Variants in EFNA5 observed in about 807,000 individuals in gnomAD.
EFNA5 encodes the protein ephrin A5.
A neutral mutation model predicts 22.9 loss-of-function variants in EFNA5; 5 were observed. The ratio of observed to expected loss-of-function variants is 0.22; its 90% CI spans 0.11 to 0.46. EFNA5 has a LOEUF of 0.46. EFNA5 is among the 20% of genes least tolerant of loss of function. EFNA5 has a pLI of 0.99. For synonymous variants in EFNA5, 113 were observed against 112.2 expected (o/e 1.01, Z -0.04); for missense variants, 237 against 293.3 (o/e 0.81, Z 1.40).
Position 107,380,433 on chromosome 5 carries a change from G to T in EFNA5, c.*822C>A. The T allele has an allele frequency of 9.5e-6, 1 of 105,438 alleles. No homozygotes were observed. Among genetic ancestry groups the T allele is most frequent in the Non-Finnish European group, 1.8e-5 (1 of 54,770 alleles). The allele number at this position is 105,438 out of a possible 1,614,324, so 6.5% of individuals were successfully genotyped here. ...AAAAGTTGTAGCACCATGGTGATCT[G>T]TATTCAAAGAAAAAATATCTGGTGT... On this transcript the variant is annotated 3_prime_UTR_variant, in exon 5 of 5. Transcript: ENST00000333274.
chr5:107,545,745 G>A (rs1242522073), intron 1 of EFNA5, among the ~76,000 whole-genome samples: 1 of 152,178 alleles, frequency 6.6e-6, no homozygotes, highest in Non-Finnish European at 1.5e-5. Context: ...TTGGCAAGAA[G>A]GGCCTCTGAT....
chr5:107,657,734 T>TA (rs1223978845), intron 1 of EFNA5, among the ~76,000 whole-genome samples: 2 of 152,146 alleles, frequency 1.3e-5, no homozygotes, highest in Non-Finnish European at 2.9e-5. Context: ...TTATCTCTTT[T>TA]AAAAATAATC....
chr5:107,654,258 C>T (rs988509881), intron 1 of EFNA5, among the ~76,000 whole-genome samples: 107 of 152,178 alleles, frequency 7.0e-4, no homozygotes, highest in African/African-American at 2.4e-3. Context: ...TTTACATTGC[C>T]TTCTGTTGAC....
At chr5:107,471,560 G>C (rs29542) in intron 1 of EFNA5, among the ~76,000 whole-genome samples, 11,410 of 152,166 alleles carry the variant, frequency 0.075, 953 homozygotes, top group East Asian at 0.21. Context: ...GGGGCACATG[G>C]TCTACAAATT....
At chr5:107,413,660 T>C (rs999238320) in intron 2 of EFNA5, among the ~76,000 whole-genome samples, 1 of 152,160 alleles carries the variant, frequency 6.6e-6, no homozygotes, top group African/African-American at 2.4e-5. Flanking sequence ...CTAACACAGC[T>C]TGCCACTTTG....
chr5:107,462,838 C>A (rs1385203260), intron 1 of EFNA5, among the ~76,000 whole-genome samples: 1 of 152,148 alleles, frequency 6.6e-6, no homozygotes, highest in East Asian at 1.9e-4. Context: ...ATGGTTCACA[C>A]CTTTTTCTTT....
At chr5:107,517,345 A>G (rs153189) in intron 1 of EFNA5, among the ~76,000 whole-genome samples, 79,241 of 151,998 alleles carry the variant, frequency 0.52, 23,672 homozygotes, top group East Asian at 0.95. Context: ...GGTGTGTTGA[A>G]GCACAGTGAT....
In EFNA5 at chr5:107,377,709, C is replaced by A. The variant is rs1747304227; in HGVS notation, c.*3546G>T. The A allele has an allele frequency of 2.6e-5, 4 of 152,100 alleles. No individual in the cohort carries two copies. Among genetic ancestry groups the A allele is most frequent in the Admixed American group, 2.0e-4 (3 of 15,274 alleles). The allele number at this position is 152,100 out of a possible 1,614,324, so 9.4% of individuals were successfully genotyped here. A position where few individuals can be genotyped will look rare whatever the true frequency, so the allele number is the denominator to read the frequency against. On this transcript the variant is annotated 3_prime_UTR_variant, in exon 5 of 5. Coordinates refer to ENST00000333274, the MANE Select transcript of EFNA5 (RefSeq NM_001962.3). ...CAACCATTTCCATGAGTGAGCTGCA[C>A]ATGATATTGATAAAGACTCTTCCTG...
chr5:107,505,499 T>C (rs1747234347), intron 1 of EFNA5, among the ~76,000 whole-genome samples: 1 of 152,206 alleles, frequency 6.6e-6, no homozygotes, highest in East Asian at 1.9e-4. Context: ...GATCTCAGAA[T>C]TGGAAAATTT....
At chr5:107,670,401 G>T in intron 1 of EFNA5, 88 bp downstream of exon 1, 2 of 1,430,584 alleles carry the variant, frequency 1.4e-6, no homozygotes, top group South Asian at 1.4e-5. Flanking sequence ...CGCCGCCAGC[G>T]GTTGGTGCGC....
At chr5:107,451,460 T>C (rs1749558490) in intron 1 of EFNA5, among the ~76,000 whole-genome samples, 1 of 152,186 alleles carries the variant, frequency 6.6e-6, no homozygotes, top group Non-Finnish European at 1.5e-5. Flanking sequence ...TTCTAAATTT[T>C]ACAAAATGAA....
chr5:107,612,313 T>C (rs935156648), intron 1 of EFNA5, among the ~76,000 whole-genome samples: 3 of 152,148 alleles, frequency 2.0e-5, no homozygotes, highest in African/African-American at 7.2e-5. Flanking sequence ...TAAAATTATA[T>C]AGAATCCAGA....
chr5:107,425,621 T>A (rs1334694724), intron 2 of EFNA5, among the ~76,000 whole-genome samples: 1 of 152,210 alleles, frequency 6.6e-6, no homozygotes, highest in Non-Finnish European at 1.5e-5. Context: ...GTTTTATGGA[T>A]CAAATGTGAG....
chr5:107,618,313 T>C (rs1017014300), intron 1 of EFNA5, among the ~76,000 whole-genome samples: 1 of 152,216 alleles, frequency 6.6e-6, no homozygotes, highest in African/African-American at 2.4e-5. Flanking sequence ...GAGCATGAAA[T>C]TCTAAACAAA....
intron 1 of EFNA5, among the ~76,000 whole-genome samples, chr5:107,461,133 C>A (rs1294336675): frequency 6.6e-6 from 1 of 152,096 alleles, no homozygotes; most frequent in Non-Finnish European, 1.5e-5. Context: ...TAGATGATGA[C>A]CCCTCCTATC....
chr5:107,605,703 A>C (rs1205898423), intron 1 of EFNA5, among the ~76,000 whole-genome samples: 1 of 152,114 alleles, frequency 6.6e-6, no homozygotes, highest in Non-Finnish European at 1.5e-5. Flanking sequence ...GCTTTGACTG[A>C]GAATTAAAGT....
chr5:107,431,256 T>C (rs573682339), intron 1 of EFNA5, among the ~76,000 whole-genome samples: 5 of 152,240 alleles, frequency 3.3e-5, no homozygotes, highest in African/African-American at 9.6e-5. Flanking sequence ...AAGGCAGCTA[T>C]ATAACGTACT....
At chr5:107,554,410 G>T (rs904033810) in intron 1 of EFNA5, among the ~76,000 whole-genome samples, 3 of 152,068 alleles carry the variant, frequency 2.0e-5, no homozygotes, top group African/African-American at 7.3e-5. Context: ...CCAAATAAAA[G>T]AAGTATTACT....
At chr5:107,514,852 A>C (rs184231450) in intron 1 of EFNA5, among the ~76,000 whole-genome samples, 4 of 152,290 alleles carry the variant, frequency 2.6e-5, no homozygotes, top group South Asian at 2.1e-4. Context: ...ATAGGAGTTA[A>C]GAAGAAATTA....
Sources: gnomAD v4.1 joint callset for allele counts (sites outside exome capture counted in the v4.1 genomes callset) on GRCh38, gnomAD v4.1.1 for gene constraint, MANE v1.5 for transcripts, NCBI Gene and HGNC (gene_info 2026-07-23, HGNC 2026-07-21) for gene names.